FAM13A: variants seen among roughly 807,000 people sequenced by gnomAD.
FAM13A encodes the protein protein FAM13A.
In FAM13A, 76 loss-of-function variants were observed where a neutral mutation model predicts 129.6. That is an observed-to-expected ratio of 0.59 (90% CI 0.49 to 0.71). FAM13A has a LOEUF of 0.71. Ranked by LOEUF, FAM13A falls within the 30% of genes least tolerant of loss-of-function variation. FAM13A has a pLI of 0.00. For synonymous variants in FAM13A, 443 were observed against 449.9 expected, an observed-to-expected ratio of 0.98 and a Z score of 0.20; for missense variants, 1,108 against 1,249.3, an observed-to-expected ratio of 0.89 and a Z score of 1.70.
intron 4 of FAM13A, among the ~76,000 whole-genome samples, chr4:88,967,897 A>C (rs1171900211): frequency 9.2e-5 from 14 of 152,234 alleles, no homozygotes; most frequent in Middle Eastern, 6.8e-3. Flanking sequence ...ACGTCTCTTA[A>C]ACAGTGCCTA....
chr4:88,964,832 T>C (rs1759131340), intron 4 of FAM13A, among the ~76,000 whole-genome samples: 1 of 152,168 alleles, frequency 6.6e-6, no homozygotes, highest in East Asian at 1.9e-4. Context: ...TTCACCACAT[T>C]GGCCGGGCTG....
chr4:89,010,311 A>G (rs1055880353), intron 3 of FAM13A, among the ~76,000 whole-genome samples: 10 of 152,190 alleles, frequency 6.6e-5, no homozygotes, highest in Admixed American at 1.3e-4. Flanking sequence ...CTTTGTACCG[A>G]ATAAACTCTA....
At chr4:89,047,653 G>T (rs1339992267) in intron 1 of FAM13A, among the ~76,000 whole-genome samples, 1 of 152,126 alleles carries the variant, frequency 6.6e-6, no homozygotes, top group Non-Finnish European at 1.5e-5. Context: ...CATGCCCTAG[G>T]CTGGGTTGGC....
At chr4:89,046,967 T>C (rs561016517) in intron 1 of FAM13A, among the ~76,000 whole-genome samples, 4 of 151,938 alleles carry the variant, frequency 2.6e-5, no homozygotes, top group Non-Finnish European at 5.9e-5. Context: ...GAAAGAAGTA[T>C]AGGTGGGATC....
At chr4:88,851,917 T>C (rs926457570) in intron 6 of FAM13A, among the ~76,000 whole-genome samples, 1 of 152,186 alleles carries the variant, frequency 6.6e-6, no homozygotes, top group African/African-American at 2.4e-5. Context: ...CAATCAATAT[T>C]CTTTTCCTTT....
At chr4:88,807,780 T>G (rs1455823744) in intron 7 of FAM13A, among the ~76,000 whole-genome samples, 1 of 152,226 alleles carries the variant, frequency 6.6e-6, no homozygotes, top group Non-Finnish European at 1.5e-5. Flanking sequence ...TAAAATATAC[T>G]GGCACGATGT....
chr4:88,754,242 G>C (rs532420054), intron 14 of FAM13A, among the ~76,000 whole-genome samples: 2 of 152,158 alleles, frequency 1.3e-5, no homozygotes, highest in Non-Finnish European at 2.9e-5. Flanking sequence ...AAATAACAGA[G>C]ATAAAAGCTG....
intron 6 of FAM13A, among the ~76,000 whole-genome samples, chr4:88,890,371 T>G (rs780592737): frequency 6.6e-6 from 1 of 152,222 alleles, no homozygotes. Context: ...GAGAACAAGC[T>G]GGATATGCAC....
chr4:88,820,100 C>A (rs545226356), intron 7 of FAM13A, among the ~76,000 whole-genome samples: 1 of 152,250 alleles, frequency 6.6e-6, no homozygotes, highest in South Asian at 2.1e-4. Context: ...ATCTTGGCTA[C>A]AGATTAGCAG....
At chr4:88,838,797 T>G (rs758056130) in intron 7 of FAM13A, among the ~76,000 whole-genome samples, 7 of 152,202 alleles carry the variant, frequency 4.6e-5, no homozygotes, top group Non-Finnish European at 1.0e-4. Context: ...CAAATTTCAC[T>G]GCAGTACTTG....
At chr4:88,801,432 T>G (rs139668885) in intron 8 of FAM13A, among the ~76,000 whole-genome samples, 115 of 152,350 alleles carry the variant, frequency 7.5e-4, no homozygotes, top group Admixed American at 2.0e-3. Flanking sequence ...CCAAACATGC[T>G]AAATTAATAA....
At chr4:88,857,973 C>A (rs1023305619) in intron 6 of FAM13A, among the ~76,000 whole-genome samples, 1 of 152,178 alleles carries the variant, frequency 6.6e-6, no homozygotes, top group Non-Finnish European at 1.5e-5. Flanking sequence ...TATATTAATT[C>A]TATTGTGTAA....
intron 5 of FAM13A, among the ~76,000 whole-genome samples, chr4:88,931,712 C>A (rs1370534102): frequency 1.3e-5 from 2 of 152,158 alleles, no homozygotes; most frequent in Admixed American, 6.5e-5. Context: ...CTTTTTTTAA[C>A]CTCCAAATTC....
At position 89,025,245 on chromosome 4, in the gene FAM13A, G is replaced by GTTTTTTTTTTTTTT. The variant is rs56710705; in HGVS notation, c.217+4201_217+4214dup. Reference sequence around the variant, plus strand: ...GCTAAAGGTTAACCATGGAATCATTGTTTTTTTTTTTTTTTTTTTTTTTTT... The same window carrying GTTTTTTTTTTTTTT: ...GCTAAAGGTTAACCATGGAATCATTGTTTTTTTTTTTTTTTTTTTTTTTTTTTTTTTTTTTTTTT... On this transcript the variant is annotated intron_variant, in intron 2 of 23. Coordinates refer to ENST00000264344, the MANE Select transcript of FAM13A (RefSeq NM_014883.4). Among the ~76,000 whole-genome samples, 20 of 61,372 alleles carry GTTTTTTTTTTTTTT rather than the reference G, an allele frequency of 3.3e-4. 3 individuals carry two copies. The highest frequency in any genetic ancestry group is 4.5e-4 in the Admixed American group (2 of 4,396). The allele number at this position is 61,372 out of a possible 152,430, so 40.3% of individuals were successfully genotyped here.
intron 1 of FAM13A, among the ~76,000 whole-genome samples, chr4:89,049,678 A>C (rs924841460): frequency 2.6e-5 from 4 of 152,068 alleles, no homozygotes; most frequent in African/African-American, 4.8e-5. Context: ...TTGTTTTGAG[A>C]TGGAGTCTTG....
chr4:89,005,928 T>A (rs1254462454), intron 3 of FAM13A, among the ~76,000 whole-genome samples: 1 of 152,246 alleles, frequency 6.6e-6, no homozygotes, highest in Non-Finnish European at 1.5e-5. Context: ...AGATCCCAGT[T>A]GTCAATTTTT....
At chr4:88,803,690 A>G (rs149118373) in intron 8 of FAM13A, among the ~76,000 whole-genome samples, 26 of 152,320 alleles carry the variant, frequency 1.7e-4, no homozygotes, top group Admixed American at 7.8e-4. Flanking sequence ...GGAAACCAGG[A>G]TGAAAAAATG....
intron 1 of FAM13A, among the ~76,000 whole-genome samples, chr4:89,045,544 G>C (rs532924470): frequency 1.3e-5 from 2 of 152,084 alleles, no homozygotes; most frequent in Admixed American, 6.5e-5. Context: ...ATCACAACCC[G>C]GAACAGTCCA....
intron 4 of FAM13A, among the ~76,000 whole-genome samples, chr4:88,961,740 T>C (rs1239730985): frequency 6.6e-6 from 1 of 152,140 alleles, no homozygotes; most frequent in Admixed American, 6.5e-5. Flanking sequence ...ACATGATAGA[T>C]GTTAACTGTA....
Sources: allele counts gnomAD v4.1 joint callset (sites outside exome capture counted in the v4.1 genomes callset), GRCh38; gene constraint gnomAD v4.1.1; transcripts MANE v1.5; gene names NCBI Gene and HGNC (gene_info 2026-07-23, HGNC 2026-07-21).